SRSF9: variants seen among roughly 807,000 people sequenced by gnomAD.
SRSF9 encodes serine/arginine-rich splicing factor 9.
A neutral mutation model predicts 25.9 loss-of-function variants in SRSF9; 3 were observed. The observed-to-expected ratio is 0.12, with a 90% CI of 0.05 to 0.30. The LOEUF is 0.30. Among genes scored for constraint, SRSF9 ranks in the 10% least tolerant of loss-of-function variants. The probability of loss-of-function intolerance (pLI) is 1.00; values close to 1 mark genes in which losing one functional copy is unlikely to be tolerated. For synonymous variants in SRSF9, 114 were observed against 113.2 expected, an observed-to-expected ratio of 1.01 and a Z score of -0.05; for missense variants, 161 against 303.5, an observed-to-expected ratio of 0.53 and a Z score of 3.49.
chr12:120,468,791 G>A (rs1878551256), intron 1 of SRSF9, among the ~76,000 whole-genome samples: 1 of 152,160 alleles, frequency 6.6e-6, no homozygotes, highest in Non-Finnish European at 1.5e-5. Context: ...CAAATCCCTG[G>A]AACCTTTAGC....
intron 3 of SRSF9, 102 bp downstream of exon 3, chr12:120,463,848 C>T (rs1214039206): frequency 2.9e-6 from 4 of 1,356,762 alleles, no homozygotes; most frequent in Non-Finnish European, 4.0e-6. Context: ...TCTTATGGTA[C>T]TGTGAGGTTA....
rs1459351343 is a variant in SRSF9 at position 120,462,084 on chromosome 12, C to T, written c.601G>A (p.Gly201Ser). The change falls in exon 4 of 4, where the codon GGC (glycine) becomes AGC (serine). Residue 201 changes from glycine to serine, a missense_variant. Around this residue, in one of 3 missense-constraint regions of SRSF9, gnomAD observed 41 missense variants for 126.7 expected, o/e 0.32. Transcript: ENST00000229390. ...CTGCTTTGGTATGGAGAGTCACGGC[C>T]CCTTGACCCAGACCGAGACCGTGAG... ...GYSRSRSGSR[G>S]RDSPYQSRGS... 1 of 1,611,946 alleles carries T rather than the reference C, an allele frequency of 6.2e-7. No homozygotes were observed.
rs1156936518 is a variant in SRSF9, at chr12:120,469,677, C to T, written c.-68G>A. 1 of 1,038,486 alleles carries T rather than the reference C, an allele frequency of 9.6e-7. No homozygotes were observed. The highest frequency in any genetic ancestry group is 1.7e-5 in the African/African-American group (1 of 59,156). 64.3% of individuals were successfully genotyped at this position (1,038,486 alleles called of 1,614,324 possible). On this transcript the variant is annotated 5_prime_UTR_variant, in exon 1 of 4. Coordinates refer to ENST00000229390, the MANE Select transcript of SRSF9 (RefSeq NM_003769.3). ...CGCCGCCGCCTCAGCACGGGTCCCC[C>T]CGCAGCGTCCCCGCGGGCTCCGAGG...
chr12:120,465,846 A>G, intron 1 of SRSF9, 59 bp from the exon 2 acceptor site: 1 of 1,514,202 alleles, frequency 6.6e-7, no homozygotes, highest in Non-Finnish European at 8.8e-7. Context: ...CAGGAGGCCA[A>G]GTGACTTTCC....
chr12:120,462,511 A>ATATAGT (rs1878376431), intron 3 of SRSF9: 1 of 184,184 alleles, frequency 5.4e-6, no homozygotes, highest in Non-Finnish European at 1.1e-5. Flanking sequence ...CTCAGGGGTC[A>ATATAGT]TATAGTTTAA....
rs956537275 is a variant in SRSF9, at chr12:120,469,674, C to A, written c.-65G>T. On this transcript the variant is annotated 5_prime_UTR_variant, in exon 1 of 4. Transcript: ENST00000229390. ...CGCCGCCGCCGCCTCAGCACGGGTC[C>A]CCCCGCAGCGTCCCCGCGGGCTCCG... 12 of 1,071,808 alleles carry A rather than the reference C, an allele frequency of 1.1e-5. No homozygotes were observed. In the South Asian group the frequency reaches 3.1e-4, roughly 28 times the overall value. 66.4% of individuals were successfully genotyped at this position (1,071,808 alleles called of 1,614,324 possible).
intron 1 of SRSF9, among the ~76,000 whole-genome samples, chr12:120,468,432 A>G (rs1243138485): frequency 6.6e-6 from 1 of 152,178 alleles, no homozygotes; most frequent in Non-Finnish European, 1.5e-5. Context: ...TTTGAGGCAA[A>G]TGAGGAGATA....
chr12:120,464,903 T>TA (rs1358109174), intron 2 of SRSF9: 2 of 152,164 alleles, frequency 1.3e-5, no homozygotes, highest in Non-Finnish European at 2.9e-5. Flanking sequence ...GTTCTGGGGT[T>TA]AAAAAATTAC....
At chr12:120,468,379 C>A (rs559483774) in intron 1 of SRSF9, among the ~76,000 whole-genome samples, 1 of 152,318 alleles carries the variant, frequency 6.6e-6, no homozygotes, top group African/African-American at 2.4e-5. Flanking sequence ...ATAAGCGAGG[C>A]ATAGCCTTCT....
intron 3 of SRSF9, 48 bp downstream of exon 3, chr12:120,463,902 A>C: frequency 6.4e-7 from 1 of 1,559,314 alleles, no homozygotes. Flanking sequence ...GTCAGGTTCA[A>C]GTGGAGTGAT....
chr12:120,469,700 A>G lies in SRSF9; in HGVS notation c.-91T>C, dbSNP rs989553883. ...CCCCGCAGCGTCCCCGCGGGCTCCG[A>G]GGCGCTCAGCCGCACTGCATTGTGG... On this transcript the variant is annotated 5_prime_UTR_variant, in exon 1 of 4. Transcript: ENST00000229390. 2.4e-6 allele frequency: 2 copies of G among 837,726 alleles called. No individual in the cohort carries two copies. The highest frequency in any genetic ancestry group is 3.1e-6 in the Non-Finnish European group (2 of 646,792). The allele number at this position is 837,726 out of a possible 1,614,324, so 51.9% of individuals were successfully genotyped here.
intron 2 of SRSF9, chr12:120,464,983 T>C (rs578249976): frequency 7.2e-5 from 11 of 152,192 alleles, no homozygotes; most frequent in Non-Finnish European, 1.6e-4. Flanking sequence ...TGTGATTGTG[T>C]GACATTCACA....
intron 1 of SRSF9, among the ~76,000 whole-genome samples, chr12:120,466,833 C>T (rs1246622908): frequency 6.6e-6 from 1 of 152,180 alleles, no homozygotes. Flanking sequence ...CTGCGCCTGG[C>T]CTTGGAACTC....
At chr12:120,462,385 G>A (rs901616962) in intron 3 of SRSF9, 1 of 433,062 alleles carries the variant, frequency 2.3e-6, no homozygotes, top group African/African-American at 2.0e-5. Flanking sequence ...TATATCATTT[G>A]CCCAAGGTAA....
chr12:120,464,249 C>G (rs1878432988), intron 2 of SRSF9, 127 bp from the exon 3 acceptor site: 1 of 1,082,354 alleles, frequency 9.2e-7, no homozygotes, highest in Admixed American at 2.8e-5. Flanking sequence ...AATCATAAAC[C>G]TTGATAAGGG....
intron 1 of SRSF9, among the ~76,000 whole-genome samples, chr12:120,467,454 C>T (rs191645028): frequency 6.6e-6 from 1 of 151,570 alleles, no homozygotes; most frequent in Admixed American, 6.6e-5. Context: ...TGAGCTGAGA[C>T]TGTGCCGCTA....
At position 120,461,809 on chromosome 12, in the gene SRSF9, G is replaced by C; in HGVS notation, c.*210C>G. 1 of 465,286 alleles carries C rather than the reference G, an allele frequency of 2.1e-6. No individual in the cohort carries two copies. The highest frequency in any genetic ancestry group is 3.6e-6 in the Non-Finnish European group (1 of 279,370). 28.8% of individuals were successfully genotyped at this position (465,286 alleles called of 1,614,324 possible). A position where few individuals can be genotyped will look rare whatever the true frequency, so the allele number is the denominator to read the frequency against. The stretch of plus-strand genomic sequence containing the variant: ...ATCAGGGGTGAAAAATATACAACTT[G>C]TTTCTGAACCAAAACCACAATTTCT... On this transcript the variant is annotated 3_prime_UTR_variant, in exon 4 of 4. Coordinates refer to ENST00000229390, the MANE Select transcript of SRSF9 (RefSeq NM_003769.3).
intron 3 of SRSF9, 105 bp from the exon 4 acceptor site, chr12:120,462,267 T>G: frequency 8.2e-7 from 1 of 1,221,824 alleles, no homozygotes; most frequent in South Asian, 1.6e-5. Flanking sequence ...GAGCACTTAC[T>G]GTGTACTCTG....
intron 3 of SRSF9, chr12:120,462,476 C>T (rs1279038979): frequency 4.8e-6 from 1 of 210,526 alleles, no homozygotes; most frequent in African/African-American, 2.3e-5. Context: ...ATTGACCCCC[C>T]TCAAAGCTAA....
Sources: gnomAD v4.1 joint callset for allele counts (sites outside exome capture counted in the v4.1 genomes callset) on GRCh38, gnomAD v4.1.1 for gene constraint, gnomAD v4.1.1 regional missense constraint, MANE v1.5 for transcripts, NCBI Gene and HGNC (gene_info 2026-07-23, HGNC 2026-07-21) for gene names.